The following SPACDR variants were observed in gnomAD, a reference collection of about 807,000 sequenced individuals.
The protein encoded by SPACDR is uncharacterized protein C7orf61.
At chr7:100,459,239 T>C in the SPACDR span, among the ~76,000 whole-genome samples, 2 of 151,790 alleles carry the variant, frequency 1.3e-5, no homozygotes, top group South Asian at 2.1e-4. Context: ...CTTGATCTCC[T>C]GACCTCGAGA....
the SPACDR span, among the ~76,000 whole-genome samples, chr7:100,461,057 C>T: frequency 6.6e-6 from 1 of 151,936 alleles, no homozygotes; most frequent in East Asian, 1.9e-4. Context: ...ACCCACACAC[C>T]TTGGGACAGC....
chr7:100,459,951 G>A, the SPACDR span, among the ~76,000 whole-genome samples: 4 of 150,550 alleles, frequency 2.7e-5, no homozygotes, highest in Non-Finnish European at 5.9e-5. Flanking sequence ...GTACAGTGGC[G>A]CTATTTCAGC....
At chr7:100,457,783 GCTAA>G in the SPACDR span, among the ~76,000 whole-genome samples, 1 of 108,462 alleles carries the variant, frequency 9.2e-6, no homozygotes, top group Non-Finnish European at 2.0e-5. Context: ...ACCATGCCCG[GCTAA>G]CTTTTATATA....
At chr7:100,456,820 G>A in the SPACDR span, 64 of 1,613,244 alleles carry the variant, frequency 4.0e-5, no homozygotes, top group Admixed American at 2.5e-4. Flanking sequence ...GCATGGCATC[G>A]GACGTGGTGC....
chr7:100,460,647 GCTAT>G, the SPACDR span, among the ~76,000 whole-genome samples: 45 of 151,370 alleles, frequency 3.0e-4, no homozygotes, highest in African/African-American at 2.4e-4. Flanking sequence ...GAGTTGCTGT[GCTAT>G]CTATTTTCCT....
At chr7:100,458,050 A>G in the SPACDR span, among the ~76,000 whole-genome samples, 1 of 151,582 alleles carries the variant, frequency 6.6e-6, no homozygotes, top group Non-Finnish European at 1.5e-5. Context: ...ATTGGAAGAA[A>G]TCATAGAGAT....
the SPACDR span, among the ~76,000 whole-genome samples, chr7:100,457,979 G>T: frequency 1.3e-5 from 2 of 150,918 alleles, no homozygotes; most frequent in African/African-American, 4.9e-5. Context: ...CGCCACGCTC[G>T]GCTTAAACTG....
chr7:100,458,195 GGT>G, the SPACDR span, among the ~76,000 whole-genome samples: 46,416 of 136,224 alleles, frequency 0.34, 7,662 homozygotes, highest in Middle Eastern at 0.42. Context: ...TGTACTCACT[GGT>G]GTGTGTGTGT....
At chr7:100,463,772 G>T in the SPACDR span, 1 of 1,330,334 alleles carries the variant, frequency 7.5e-7, no homozygotes, top group Non-Finnish European at 1.1e-6. Flanking sequence ...GCACAAAAGG[G>T]ATGGAGCAGT....
At chr7:100,461,647 A>G in the SPACDR span, among the ~76,000 whole-genome samples, 1 of 151,884 alleles carries the variant, frequency 6.6e-6, no homozygotes, top group African/African-American at 2.4e-5. Context: ...AACCCTTTCA[A>G]GCCAAGCTAA....
chr7:100,460,725 ACT>A, the SPACDR span, among the ~76,000 whole-genome samples: 1 of 150,918 alleles, frequency 6.6e-6, no homozygotes, highest in Non-Finnish European at 1.5e-5. Context: ...AATATAGCTC[ACT>A]GTGGCCTTGA....
chr7:100,464,226 C>T, the SPACDR span: 5 of 1,449,698 alleles, frequency 3.4e-6, no homozygotes, highest in Admixed American at 2.6e-5. Flanking sequence ...GACCTTTTCT[C>T]CCCTCCCTGG....
chr7:100,457,874 T>C, the SPACDR span, among the ~76,000 whole-genome samples: 1 of 123,472 alleles, frequency 8.1e-6, no homozygotes, highest in Non-Finnish European at 1.7e-5. Flanking sequence ...TTTTTTTTTG[T>C]AGAAATGGGG....
At chr7:100,463,475 T>C in the SPACDR span, 13 of 1,613,802 alleles carry the variant, frequency 8.1e-6, no homozygotes, top group Non-Finnish European at 1.0e-5. Context: ...TTGGCCCAGC[T>C]CCACCTCGGT....
At chr7:100,464,244 A>G in the SPACDR span, 7 of 1,427,208 alleles carry the variant, frequency 4.9e-6, no homozygotes, top group African/African-American at 1.0e-4. Flanking sequence ...TGGGACAGGG[A>G]GAGGAGTCGA....
chr7:100,460,797 T>C, the SPACDR span, among the ~76,000 whole-genome samples: 2 of 151,650 alleles, frequency 1.3e-5, no homozygotes, highest in Non-Finnish European at 2.9e-5. Context: ...GCATGCATCA[T>C]GCCTGGCTAA....
chr7:100,464,008 C>T, the SPACDR span: 1 of 1,577,362 alleles, frequency 6.3e-7, no homozygotes, highest in Non-Finnish European at 8.6e-7. Context: ...ATCGGAAGAA[C>T]TTCATGACCA....
chr7:100,456,921 TC>T, the SPACDR span: 1 of 1,613,690 alleles, frequency 6.2e-7, no homozygotes, highest in Non-Finnish European at 8.5e-7. Flanking sequence ...CAACTCAGCC[TC>T]CGGAGTCTTC....
At chr7:100,461,596 C>T in the SPACDR span, among the ~76,000 whole-genome samples, 2 of 151,258 alleles carry the variant, frequency 1.3e-5, no homozygotes, top group African/African-American at 4.8e-5. Flanking sequence ...GCCATTCTTA[C>T]TCCCTGGACA....
Sources: gnomAD v4.1 joint callset for allele counts (sites outside exome capture counted in the v4.1 genomes callset) on GRCh38, gnomAD v4.1.1 for gene constraint, MANE v1.5 for transcripts, NCBI Gene and HGNC (gene_info 2026-07-23, HGNC 2026-07-21) for gene names.